Variants in CNTN4 observed in about 807,000 individuals in gnomAD.
CNTN4 encodes the protein contactin-4.
A neutral mutation model predicts 122.5 loss-of-function variants in CNTN4; 77 were observed. The ratio of observed to expected loss-of-function variants is 0.63; its 90% confidence interval spans 0.52 to 0.76. The LOEUF (loss-of-function observed/expected upper bound fraction) is 0.76, where lower values mean the gene tolerates loss of function less well. CNTN4 is among the 30% of genes least tolerant of loss of function. The pLI, the probability that CNTN4 is intolerant of heterozygous loss-of-function variation, is 0.00. For missense variants in CNTN4, 1,256 were observed against 1,259.1 expected, an observed-to-expected ratio of 1.00 and a Z score of 0.04; for synonymous variants, 512 against 447.0, an observed-to-expected ratio of 1.15 and a Z score of -1.83.
At chr3:2,881,227 C>T (rs1213403681) in intron 8 of CNTN4, among the ~76,000 whole-genome samples, 2 of 152,034 alleles carry the variant, frequency 1.3e-5, no homozygotes, top group Non-Finnish European at 2.9e-5. Flanking sequence ...AAAAGGGTCA[C>T]CTCGGTGGGG....
chr3:2,593,382 A>G (rs1383214026), intron 4 of CNTN4, among the ~76,000 whole-genome samples: 1 of 152,196 alleles, frequency 6.6e-6, no homozygotes, highest in Non-Finnish European at 1.5e-5. Flanking sequence ...TCGGATAGGT[A>G]GATACATTGA....
intron 6 of CNTN4, among the ~76,000 whole-genome samples, chr3:2,761,196 C>G (rs549933435): frequency 1.1e-4 from 17 of 152,306 alleles, no homozygotes; most frequent in African/African-American, 4.1e-4. Flanking sequence ...TACCAGAGTA[C>G]TCTGTAATAA....
chr3:2,456,443 C>A (rs34160306), intron 3 of CNTN4, among the ~76,000 whole-genome samples: 30,212 of 152,028 alleles, frequency 0.2, 3,466 homozygotes, highest in Middle Eastern at 0.28. Flanking sequence ...GTGCAGCCAT[C>A]ATCTCTATTA....
intron 20 of CNTN4, among the ~76,000 whole-genome samples, chr3:3,040,894 T>A (rs536822871): frequency 6.7e-6 from 1 of 150,010 alleles, no homozygotes; most frequent in South Asian, 2.1e-4. Context: ...ACCACTGCAC[T>A]CCAGCCTGGG....
At chr3:2,684,068 C>T (rs2085306501) in intron 4 of CNTN4, among the ~76,000 whole-genome samples, 1 of 152,266 alleles carries the variant, frequency 6.6e-6, no homozygotes, top group Non-Finnish European at 1.5e-5. Flanking sequence ...GGCTCTGAAA[C>T]ATCTTTCACC....
intron 2 of CNTN4, among the ~76,000 whole-genome samples, chr3:2,154,001 T>C (rs535100734): frequency 6.6e-6 from 1 of 152,314 alleles, no homozygotes; most frequent in South Asian, 2.1e-4. Context: ...CTTATATAAA[T>C]CATACTGGTT....
chr3:2,949,784 T>G (rs1288852144), intron 13 of CNTN4, among the ~76,000 whole-genome samples: 8 of 152,222 alleles, frequency 5.3e-5, no homozygotes, highest in Non-Finnish European at 1.2e-4. Context: ...TAACTTTGCT[T>G]TTTTGAAACA....
chr3:2,348,086 T>C (rs1488879862), intron 3 of CNTN4, among the ~76,000 whole-genome samples: 1 of 152,228 alleles, frequency 6.6e-6, no homozygotes, highest in Non-Finnish European at 1.5e-5. Flanking sequence ...ACTTCCTTTC[T>C]TTGGGAATGT....
intron 3 of CNTN4, among the ~76,000 whole-genome samples, chr3:2,484,665 G>A (rs2076094992): frequency 6.6e-6 from 1 of 152,336 alleles, no homozygotes; most frequent in Admixed American, 6.5e-5. Flanking sequence ...CCACAGTGAG[G>A]AACTGCTGCT....
intron 4 of CNTN4, among the ~76,000 whole-genome samples, chr3:2,639,015 A>G (rs889136511): frequency 6.6e-6 from 1 of 152,052 alleles, no homozygotes; most frequent in Non-Finnish European, 1.5e-5. Flanking sequence ...CCTACAATCT[A>G]TTTTACAATT....
chr3:3,006,296 C>T (rs561928304), intron 14 of CNTN4, among the ~76,000 whole-genome samples: 3 of 152,284 alleles, frequency 2.0e-5, no homozygotes, highest in Non-Finnish European at 4.4e-5. Flanking sequence ...CTCACGTATA[C>T]TCATAGTCTT....
intron 13 of CNTN4, among the ~76,000 whole-genome samples, chr3:2,987,624 T>G (rs1430767645): frequency 6.6e-6 from 1 of 152,234 alleles, no homozygotes; most frequent in Non-Finnish European, 1.5e-5. Flanking sequence ...CATCTTTGTA[T>G]TTTCCTACTT....
chr3:2,637,039 T>C (rs779915276), intron 4 of CNTN4, among the ~76,000 whole-genome samples: 3 of 147,390 alleles, frequency 2.0e-5, no homozygotes, highest in African/African-American at 7.5e-5. Context: ...CTTTGAGGGC[T>C]CAGGTAATCC....
intron 2 of CNTN4, among the ~76,000 whole-genome samples, chr3:2,258,919 A>T (rs1367575172): frequency 1.3e-5 from 2 of 152,104 alleles, no homozygotes; most frequent in Non-Finnish European, 2.9e-5. Context: ...GTGGCCTAAG[A>T]GGGATTGATT....
chr3:2,137,534 G>T (rs1301997389), intron 2 of CNTN4, among the ~76,000 whole-genome samples: 1 of 152,162 alleles, frequency 6.6e-6, no homozygotes, highest in Admixed American at 6.5e-5. Flanking sequence ...AAAATGAATT[G>T]TATTGCCTGC....
intron 3 of CNTN4, among the ~76,000 whole-genome samples, chr3:2,540,069 T>TTGTGTGTGTGTG: frequency 6.7e-6 from 1 of 149,062 alleles, no homozygotes; most frequent in East Asian, 2.0e-4. Flanking sequence ...TTCATCAGTG[T>TTGTGTGTGTGTG]TGTGTGTGTG....
At chr3:2,610,990 A>T (rs1007206051) in intron 4 of CNTN4, among the ~76,000 whole-genome samples, 2 of 152,138 alleles carry the variant, frequency 1.3e-5, no homozygotes, top group African/African-American at 4.8e-5. Context: ...AGTTGTTTTC[A>T]TGTAACGATA....
intron 4 of CNTN4, among the ~76,000 whole-genome samples, chr3:2,611,596 C>T (rs2081493630): frequency 6.6e-6 from 1 of 152,150 alleles, no homozygotes; most frequent in South Asian, 2.1e-4. Flanking sequence ...TCCTCTCTTT[C>T]CCTTTTTTCC....
intron 3 of CNTN4, among the ~76,000 whole-genome samples, chr3:2,420,913 G>A (rs1040089583): frequency 6.6e-6 from 1 of 152,176 alleles, no homozygotes; most frequent in African/African-American, 2.4e-5. Context: ...TTTTGTCAGA[G>A]AAAGAATGTA....
Sources: allele counts gnomAD v4.1 joint callset (sites outside exome capture counted in the v4.1 genomes callset), GRCh38; gene constraint gnomAD v4.1.1; transcripts MANE v1.5; gene names NCBI Gene and HGNC (gene_info 2026-07-23, HGNC 2026-07-21).